The following BLTP3A variants were observed in gnomAD, a reference collection of about 807,000 sequenced individuals.
BLTP3A encodes ICBP90 binding protein 1.
the BLTP3A span, among the ~76,000 whole-genome samples, chr6:34,835,767 T>C: frequency 6.6e-6 from 1 of 152,196 alleles, no homozygotes; most frequent in Non-Finnish European, 1.5e-5. Context: ...TATGGTGTGA[T>C]AAATGCTGTA....
chr6:34,793,041 C>G, the BLTP3A span, among the ~76,000 whole-genome samples: 2 of 152,298 alleles, frequency 1.3e-5, no homozygotes, highest in African/African-American at 4.8e-5. Context: ...CCGCAACCTT[C>G]CCTTTAAGAT....
At chr6:34,856,510 TG>T in the BLTP3A span, 2 of 1,439,084 alleles carry the variant, frequency 1.4e-6, no homozygotes, top group African/African-American at 2.8e-5. Context: ...TTATCCCAGC[TG>T]TATGTAATGG....
chr6:34,826,800 C>T, the BLTP3A span, among the ~76,000 whole-genome samples: 1 of 151,982 alleles, frequency 6.6e-6, no homozygotes, highest in Non-Finnish European at 1.5e-5. Context: ...TTGACAAGAC[C>T]CCAGTAATCG....
chr6:34,842,478 A>T, the BLTP3A span, among the ~76,000 whole-genome samples: 1 of 152,042 alleles, frequency 6.6e-6, no homozygotes, highest in Non-Finnish European at 1.5e-5. Flanking sequence ...ATATTTGCCT[A>T]TTCTGGAAAT....
the BLTP3A span, among the ~76,000 whole-genome samples, chr6:34,817,168 G>A: frequency 6.6e-6 from 1 of 152,112 alleles, no homozygotes; most frequent in Non-Finnish European, 1.5e-5. Flanking sequence ...GAAGTATTTA[G>A]ATGAGTTTAT....
the BLTP3A span, among the ~76,000 whole-genome samples, chr6:34,831,083 A>G: frequency 2.0e-5 from 3 of 150,734 alleles, no homozygotes; most frequent in Non-Finnish European, 2.9e-5. Flanking sequence ...TGTACTGCAG[A>G]TATCTTCTAC....
the BLTP3A span, among the ~76,000 whole-genome samples, chr6:34,793,521 T>C: frequency 6.6e-6 from 1 of 152,218 alleles, no homozygotes; most frequent in Non-Finnish European, 1.5e-5. Context: ...TTTTCCTGGC[T>C]GACACTTTGA....
the BLTP3A span, among the ~76,000 whole-genome samples, chr6:34,872,112 C>G: frequency 6.6e-6 from 1 of 152,056 alleles, no homozygotes; most frequent in East Asian, 1.9e-4. Flanking sequence ...GAGCTGGAGA[C>G]GAATGGTTGC....
chr6:34,822,223 T>C, the BLTP3A span, among the ~76,000 whole-genome samples: 7 of 152,002 alleles, frequency 4.6e-5, no homozygotes, highest in South Asian at 2.1e-4. Context: ...GCCTAGGCTC[T>C]ACCCTTAGAC....
the BLTP3A span, among the ~76,000 whole-genome samples, chr6:34,866,267 G>A: frequency 6.6e-6 from 1 of 152,002 alleles, no homozygotes; most frequent in African/African-American, 2.4e-5. Context: ...AGCCAGGGAT[G>A]GTGGCGTGCG....
At chr6:34,858,957 G>A in the BLTP3A span, 1 of 1,614,132 alleles carries the variant, frequency 6.2e-7, no homozygotes, top group East Asian at 2.2e-5. Flanking sequence ...TGCAGAATCA[G>A]ACAGCTTGCA....
the BLTP3A span, chr6:34,856,227 T>C: frequency 1.2e-6 from 2 of 1,604,230 alleles, no homozygotes; most frequent in South Asian, 2.2e-5. Flanking sequence ...TTTTCACTTC[T>C]TCGTTGCACA....
chr6:34,839,581 C>T, the BLTP3A span, among the ~76,000 whole-genome samples: 1 of 152,202 alleles, frequency 6.6e-6, no homozygotes. Context: ...TAGGTTCCAG[C>T]CCATGCTGAG....
At chr6:34,871,150 G>A in the BLTP3A span, 1 of 1,589,522 alleles carries the variant, frequency 6.3e-7, no homozygotes, top group Non-Finnish European at 8.6e-7. Context: ...CCAATGTAAG[G>A]GCACATTGGT....
chr6:34,870,872 C>A, the BLTP3A span: 1 of 1,614,142 alleles, frequency 6.2e-7, no homozygotes, highest in Non-Finnish European at 8.5e-7. Context: ...TTTCAGGAAT[C>A]CTCAACTTTG....
chr6:34,835,604 C>A, the BLTP3A span: 2 of 931,806 alleles, frequency 2.1e-6, no homozygotes, highest in Non-Finnish European at 3.1e-6. Flanking sequence ...TTGCCTGCAC[C>A]TCTGATTTTT....
At chr6:34,800,718 ATAT>A in the BLTP3A span, among the ~76,000 whole-genome samples, 1 of 152,174 alleles carries the variant, frequency 6.6e-6, no homozygotes, top group South Asian at 2.1e-4. Flanking sequence ...TAAAATAATA[ATAT>A]ATCTTAGTAA....
the BLTP3A span, among the ~76,000 whole-genome samples, chr6:34,803,765 T>C: frequency 6.6e-6 from 1 of 152,040 alleles, no homozygotes; most frequent in Non-Finnish European, 1.5e-5. Context: ...GTATCAGTCA[T>C]TTGAAAGTTG....
At chr6:34,818,736 C>T in the BLTP3A span, among the ~76,000 whole-genome samples, 6 of 152,158 alleles carry the variant, frequency 3.9e-5, no homozygotes, top group African/African-American at 9.7e-5. Flanking sequence ...CCAATGCATT[C>T]CTGTGTATCC....
Sources: allele counts gnomAD v4.1 joint callset (sites outside exome capture counted in the v4.1 genomes callset), GRCh38; gene constraint gnomAD v4.1.1; transcripts MANE v1.5; gene names NCBI Gene and HGNC (gene_info 2026-07-23, HGNC 2026-07-21).